The following CENPE variants were observed in gnomAD, a reference collection of about 807,000 sequenced individuals.
CENPE encodes centromere-associated protein E.
CENPE carries 145 observed loss-of-function variants against 336.1 expected under a neutral mutation model. The observed-to-expected ratio is 0.43, with a 90% CI of 0.38 to 0.50. The LOEUF is 0.50. Among genes scored for constraint, CENPE ranks in the 20% least tolerant of loss-of-function variants. The pLI is 0.00. For missense variants in CENPE, 2,719 were observed against 3,023.3 expected (o/e 0.90, Z 2.36); for synonymous variants, 1,013 against 984.8 (o/e 1.03, Z -0.54).
At chr4:103,127,933 T>C (rs772035601) in intron 42 of CENPE, among the ~76,000 whole-genome samples, 23 of 152,134 alleles carry the variant, frequency 1.5e-4, no homozygotes, top group Non-Finnish European at 2.6e-4. Flanking sequence ...ATATCAATAA[T>C]CACCTTAAAC....
Position 103,132,693 on chromosome 4 carries a change from A to C in CENPE, c.6924T>G (p.Ile2308Met). The C allele has an allele frequency of 6.8e-7, 1 of 1,466,570 alleles. No individual in the cohort carries two copies. The highest frequency in any genetic ancestry group is 9.4e-7 in the Non-Finnish European group (1 of 1,064,092). 90.8% of individuals were successfully genotyped at this position (1,466,570 alleles called of 1,614,324 possible). Residue 2308 changes from isoleucine (I) to methionine (M), a missense_variant and splice_region_variant, in exon 42 of 49, where the codon ATT becomes ATG. Transcript: ENST00000265148. ...QVNNFFNNRIIAIMNESTEFE... is the reference protein window; with the variant it reads ...QVNNFFNNRIMAIMNESTEFE... ...TAGTACAGCAAAAAGTAATACTTAC[A>C]ATTATTCTGTTATTAAAGAAGTTAT... is the stretch of plus-strand genomic sequence containing the variant.
chr4:103,160,309 A>G (rs1754330402), intron 21 of CENPE, among the ~76,000 whole-genome samples: 1 of 151,962 alleles, frequency 6.6e-6, no homozygotes, highest in African/African-American at 2.4e-5. Context: ...ACTACCAAAA[A>G]AAATGGTAAA....
In CENPE at chr4:103,174,812, A is replaced by G; in HGVS notation, c.1571T>C (p.Met524Thr). ...ATTCTTTTCTTTTAATTTCAATTCC[A>G]TTTCTTCTTTTTCTGTTCGTAGTTG... ...YEQLRTEKEEMELKLKEKNDL... is the reference protein window; with the variant it reads ...YEQLRTEKEETELKLKEKNDL... Residue 524 changes from methionine to threonine, a missense_variant, in exon 16 of 49, where the codon ATG becomes ACG. Coordinates refer to ENST00000265148, the MANE Select transcript of CENPE (RefSeq NM_001813.3). The G allele has an allele frequency of 1.9e-6, 3 of 1,550,556 alleles. No individual in the cohort carries two copies. Among genetic ancestry groups the G allele is most frequent in the South Asian group, 2.5e-5 (2 of 81,554 alleles).
intron 5 of CENPE, 35 bp from the exon 6 acceptor site, chr4:103,194,719 A>G: frequency 6.6e-7 from 1 of 1,513,844 alleles, no homozygotes; most frequent in Non-Finnish European, 9.0e-7. Context: ...GATTAGAGAA[A>G]TAGAAGTCAC....
chr4:103,190,238 T>A (rs979933440), intron 8 of CENPE, among the ~76,000 whole-genome samples: 2 of 152,120 alleles, frequency 1.3e-5, no homozygotes, highest in South Asian at 2.1e-4. Context: ...TATAGATTCA[T>A]TGCCATCCCC....
intron 15 of CENPE, among the ~76,000 whole-genome samples, chr4:103,175,563 G>C (rs546601897): frequency 6.6e-6 from 1 of 151,988 alleles, no homozygotes; most frequent in East Asian, 1.9e-4. Flanking sequence ...AGTAAACACG[G>C]AATCTAAACT....
Position 103,139,839 on chromosome 4 carries a change from T to G in CENPE, c.6154A>C (p.Lys2052Gln). 4 of 1,612,668 alleles carry G rather than the reference T, an allele frequency of 2.5e-6. No individual in the cohort carries two copies. Among genetic ancestry groups the G allele is most frequent in the Non-Finnish European group, 3.4e-6 (4 of 1,179,468 alleles). Reference protein sequence around the residue: ...DELRRIKESLKMERDQFIATL... With the variant: ...DELRRIKESLQMERDQFIATL... ...GCTATGAATTGGTCCCTTTCCATTT[T>G]GAGAGATTCTTTTATCCTCCTTAGC... Residue 2052 changes from lysine to glutamine, a missense_variant, in exon 38 of 49, where the codon AAA (lysine) becomes CAA (glutamine). Around this residue, in one of 5 missense-constraint regions of CENPE, gnomAD observed 2,437 missense variants for 2,513.3 expected, o/e 0.97. Coordinates refer to ENST00000265148, the MANE Select transcript of CENPE (RefSeq NM_001813.3).
At chr4:103,149,949 T>C (rs2711893) in intron 26 of CENPE, among the ~76,000 whole-genome samples, 21 of 152,056 alleles carry the variant, frequency 1.4e-4, no homozygotes, top group African/African-American at 5.1e-4. Context: ...CAATTTGCTA[T>C]GGCAGCCCTA....
chr4:103,111,250 T>C (rs534765377), intron 46 of CENPE, among the ~76,000 whole-genome samples: 1 of 152,170 alleles, frequency 6.6e-6, no homozygotes, highest in Non-Finnish European at 1.5e-5. Flanking sequence ...ATCCTGATCC[T>C]GATCACCAAG....
intron 39 of CENPE, among the ~76,000 whole-genome samples, chr4:103,137,341 G>C (rs1752156740): frequency 6.6e-6 from 1 of 152,262 alleles, no homozygotes; most frequent in South Asian, 2.1e-4. Context: ...TGACACACTG[G>C]TCAGAGCACA....
intron 45 of CENPE, among the ~76,000 whole-genome samples, chr4:103,115,938 A>T (rs187613199): frequency 1.3e-5 from 2 of 151,964 alleles, no homozygotes; most frequent in Admixed American, 1.3e-4. Context: ...TCACCGTGTT[A>T]GCCAGGATGG....
intron 34 of CENPE, among the ~76,000 whole-genome samples, chr4:103,143,003 C>CAAAAAAAAA (rs1168385683): frequency 3.2e-5 from 2 of 62,972 alleles, no homozygotes; most frequent in Non-Finnish European, 6.1e-5. Context: ...GACTCTGTCT[C>CAAAAAAAAA]AAAAAAAAAA....
Position 103,140,429 on chromosome 4 carries a change from G to A in CENPE, c.5755-15C>T. On this transcript the variant is annotated splice_polypyrimidine_tract_variant and intron_variant, in intron 36 of 48. Coordinates refer to ENST00000265148, the MANE Select transcript of CENPE (RefSeq NM_001813.3). Reference sequence around the variant, plus strand: ...ATTTCCAGATCCTTTATGGTTAGAAGAAATCAAGAAATGTAATGATATAAA... The same window carrying A: ...ATTTCCAGATCCTTTATGGTTAGAAAAAATCAAGAAATGTAATGATATAAA... The A allele has an allele frequency of 6.6e-7, 1 of 1,519,620 alleles. No homozygotes were observed. The highest frequency in any genetic ancestry group is 1.3e-5 in the South Asian group (1 of 78,630). 94.1% of individuals were successfully genotyped at this position (1,519,620 alleles called of 1,614,324 possible).
rs1481660061 is a variant in CENPE at position 103,181,408 on chromosome 4, C to T, written c.1012G>A (p.Val338Ile). The T allele has an allele frequency of 1.9e-6, 3 of 1,568,026 alleles. No individual in the cohort carries two copies. The highest frequency in any genetic ancestry group is 1.7e-6 in the Non-Finnish European group (2 of 1,156,232). Residue 338 changes from valine to isoleucine, a missense_variant, in exon 12 of 49, where the codon GTA (valine) becomes ATA (isoleucine). This residue lies in a region of CENPE where 117 missense variants were observed against 215.8 expected (regional missense o/e 0.54). Transcript: ENST00000265148. ...YMKNTPYVNE[V>I]STDEALLKRY... Reference sequence around the variant, plus strand: ...TTCAGGAGAGCTTCATCAGTTGATACCTCATTAACATAAGGAGTATTCTTC... The same window carrying T: ...TTCAGGAGAGCTTCATCAGTTGATATCTCATTAACATAAGGAGTATTCTTC...
chr4:103,119,851 T>G (rs1238366484), intron 44 of CENPE, among the ~76,000 whole-genome samples: 2 of 152,130 alleles, frequency 1.3e-5, no homozygotes, highest in African/African-American at 2.4e-5. Flanking sequence ...TCTAATAGTA[T>G]TATATATTTT....
At position 103,147,143 on chromosome 4, in the gene CENPE, G is replaced by A. The variant is rs79088594; in HGVS notation, c.4134+213C>T. Reference sequence around the variant, plus strand: ...TATTTTTTGAATATTTAAGAAAACAGTTCTTTTCTCTGAAACATCTTCTCT... The same window carrying A: ...TATTTTTTGAATATTTAAGAAAACAATTCTTTTCTCTGAAACATCTTCTCT... On this transcript the variant is annotated intron_variant, in intron 29 of 48. Coordinates refer to ENST00000265148, the MANE Select transcript of CENPE (RefSeq NM_001813.3). Among the ~76,000 whole-genome samples the A allele has an allele frequency of 0.034, 5,195 of 151,992 alleles. 117 individuals carry two copies. The highest frequency in any genetic ancestry group is 0.078 in the Middle Eastern group (23 of 294).
chr4:103,189,180 A>T (rs112533084), intron 8 of CENPE, among the ~76,000 whole-genome samples: 47 of 152,320 alleles, frequency 3.1e-4, no homozygotes, highest in African/African-American at 1.1e-3. Flanking sequence ...GCCCAGGACC[A>T]GATGGATTCA....
At position 103,145,692 on chromosome 4, in the gene CENPE, A is replaced by C; in HGVS notation, c.4414-11T>G. On this transcript the variant is annotated splice_polypyrimidine_tract_variant and intron_variant, in intron 30 of 48. Coordinates refer to ENST00000265148, the MANE Select transcript of CENPE (RefSeq NM_001813.3). ...TTCAGTTTCCAGGTGCTTTATTATT[A>C]GAGGAAATTCCAATAAATTTATAGA... is the stretch of plus-strand genomic sequence containing the variant. 1.3e-6 allele frequency: 2 copies of C among 1,565,388 alleles called. No homozygotes were observed. Among genetic ancestry groups the C allele is most frequent in the South Asian group, 2.5e-5 (2 of 81,518 alleles).
At chr4:103,129,143 G>T (rs1029528568) in intron 42 of CENPE, among the ~76,000 whole-genome samples, 1 of 152,064 alleles carries the variant, frequency 6.6e-6, no homozygotes, top group African/African-American at 2.4e-5. Context: ...CCAATTCTTT[G>T]AAAGACACAA....
Sources: gnomAD v4.1 joint callset for allele counts (sites outside exome capture counted in the v4.1 genomes callset) on GRCh38, gnomAD v4.1.1 for gene constraint, gnomAD v4.1.1 regional missense constraint, MANE v1.5 for transcripts, NCBI Gene and HGNC (gene_info 2026-07-23, HGNC 2026-07-21) for gene names.